SMYD3: variants seen among roughly 807,000 people sequenced by gnomAD.
The protein encoded by SMYD3 is histone-lysine N-methyltransferase SMYD3.
Under a neutral mutation model 57.7 loss-of-function variants are expected in SMYD3, and 36 were observed. The observed-to-expected ratio is 0.62, with a 90% confidence interval of 0.48 to 0.82. The LOEUF (loss-of-function observed/expected upper bound fraction) is 0.82. Among genes scored for constraint, SMYD3 ranks in the 40% least tolerant of loss-of-function variants. The pLI is 0.00. For synonymous variants in SMYD3, 211 were observed against 195.0 expected (o/e 1.08, Z -0.68); for missense variants, 515 against 538.8 (o/e 0.96, Z 0.44).
At chr1:245,961,025 G>C (rs1251486218) in intron 5 of SMYD3, among the ~76,000 whole-genome samples, 1 of 152,154 alleles carries the variant, frequency 6.6e-6, no homozygotes, top group East Asian at 1.9e-4. Flanking sequence ...AATCAATTCA[G>C]TTTGTTGAAA....
intron 10 of SMYD3, among the ~76,000 whole-genome samples, chr1:245,772,114 C>T (rs754298203): frequency 7.2e-5 from 11 of 152,156 alleles, no homozygotes; most frequent in Non-Finnish European, 1.6e-4. Flanking sequence ...AGACTGAACC[C>T]TCAGCTCTTG....
rs35486805 is a variant in SMYD3, at chr1:246,169,901, C to CAA, written c.531+157298_531+157299dup. On this transcript the variant is annotated intron_variant, in intron 5 of 11. Transcript: ENST00000490107. ...CCTAGGCAACAGAGCAAGACTCTGCCAAAAAAAAAAAAAAGATACAGCAAG... is the reference window on the plus strand; with the variant it reads ...CCTAGGCAACAGAGCAAGACTCTGCCAAAAAAAAAAAAAAAAGATACAGCAAG... 5.4e-4 allele frequency among the ~76,000 whole-genome samples: 58 copies of CAA among 107,382 alleles called. 3 individuals are homozygous for CAA. The South Asian group carries it at 0.016, about 29-fold the overall frequency. 70.4% of individuals were successfully genotyped at this position (107,382 alleles called of 152,430 possible). A position where few individuals can be genotyped will look rare whatever the true frequency, so the allele number is the denominator to read the frequency against.
intron 2 of SMYD3, among the ~76,000 whole-genome samples, chr1:246,350,774 T>C (rs774863644): frequency 9.9e-5 from 15 of 152,138 alleles, no homozygotes; most frequent in African/African-American, 1.9e-4. Context: ...CTTGAAGTCA[T>C]AGGAGCAGAT....
intron 1 of SMYD3, among the ~76,000 whole-genome samples, chr1:246,366,930 C>CAAAAA (rs1269333583): frequency 6.8e-5 from 4 of 58,564 alleles, no homozygotes; most frequent in African/African-American, 2.0e-4. Context: ...GACTCCATCT[C>CAAAAA]AAAAAAAAAA....
At chr1:245,863,456 T>C (rs2051662833) in intron 9 of SMYD3, among the ~76,000 whole-genome samples, 2 of 152,204 alleles carry the variant, frequency 1.3e-5, no homozygotes, top group African/African-American at 4.8e-5. Context: ...AAGCTACTCT[T>C]TCCTAGAGAT....
intron 5 of SMYD3, among the ~76,000 whole-genome samples, chr1:246,026,306 A>G (rs150819834): frequency 2.9e-4 from 44 of 152,330 alleles, no homozygotes; most frequent in African/African-American, 1.0e-3. Flanking sequence ...ACTTCTAAGT[A>G]ATTACCTGCA....
chr1:246,240,013 G>T (rs1053834768), intron 5 of SMYD3, among the ~76,000 whole-genome samples: 4 of 152,128 alleles, frequency 2.6e-5, no homozygotes, highest in Non-Finnish European at 4.4e-5. Context: ...TGAGTAGATT[G>T]TAAAAATTTT....
chr1:246,232,127 T>G (rs1445482605), intron 5 of SMYD3, among the ~76,000 whole-genome samples: 1 of 152,204 alleles, frequency 6.6e-6, no homozygotes, highest in Non-Finnish European at 1.5e-5. Context: ...ATTAGAATAT[T>G]TATATTTGTA....
At chr1:246,046,111 A>C (rs1407319325) in intron 5 of SMYD3, among the ~76,000 whole-genome samples, 1 of 152,194 alleles carries the variant, frequency 6.6e-6, no homozygotes, top group Non-Finnish European at 1.5e-5. Context: ...ATGACCCAGC[A>C]ATCCCATTAC....
intron 5 of SMYD3, among the ~76,000 whole-genome samples, chr1:246,046,475 T>C (rs1479983190): frequency 6.6e-6 from 1 of 151,748 alleles, no homozygotes; most frequent in Non-Finnish European, 1.5e-5. Context: ...GGGCCTGTCA[T>C]GGGGCGGTGG....
rs1553340613 is a variant in SMYD3 at position 245,849,657 on chromosome 1, A to AT, written c.1076+8838dup. 4.9e-3 allele frequency among the ~76,000 whole-genome samples: 546 copies of AT among 110,996 alleles called. 1 individual carries two copies. Among genetic ancestry groups the AT allele is most frequent in the African/African-American group, 0.016 (493 of 30,342 alleles). 72.8% of individuals were successfully genotyped at this position (110,996 alleles called of 152,430 possible). A position where few individuals can be genotyped will look rare whatever the true frequency, so the allele number is the denominator to read the frequency against. On this transcript the variant is annotated intron_variant, in intron 10 of 11. Transcript: ENST00000490107. ...TATTTTATTTATTTTATTTTATATTATTTATTTTATTTTGAGACAGGGTCT... is the reference window on the plus strand; with the variant it reads ...TATTTTATTTATTTTATTTTATATTATTTTATTTTATTTTGAGACAGGGTCT...
chr1:246,050,797 G>A (rs1278327801), intron 5 of SMYD3, among the ~76,000 whole-genome samples: 1 of 152,160 alleles, frequency 6.6e-6, no homozygotes, highest in Non-Finnish European at 1.5e-5. Context: ...GGAGGTGTAA[G>A]TTTCATGGCT....
chr1:246,215,696 A>C (rs2063153593), intron 5 of SMYD3, among the ~76,000 whole-genome samples: 1 of 152,128 alleles, frequency 6.6e-6, no homozygotes, highest in South Asian at 2.1e-4. Flanking sequence ...GAAAGGGGCC[A>C]GCGGAACTCA....
At chr1:245,843,754 T>A (rs1286542104) in intron 10 of SMYD3, among the ~76,000 whole-genome samples, 1 of 152,194 alleles carries the variant, frequency 6.6e-6, no homozygotes, top group Non-Finnish European at 1.5e-5. Flanking sequence ...GACCACATGA[T>A]AACTCATGAC....
intron 1 of SMYD3, among the ~76,000 whole-genome samples, chr1:246,489,345 C>A (rs913070027): frequency 6.6e-6 from 1 of 151,944 alleles, no homozygotes; most frequent in Non-Finnish European, 1.5e-5. Context: ...GAGCGAGACT[C>A]CATCTCAAAA....
intron 2 of SMYD3, among the ~76,000 whole-genome samples, chr1:246,354,647 T>C (rs2065882792): frequency 3.6e-5 from 1 of 28,034 alleles, no homozygotes; most frequent in Admixed American, 5.5e-4. Flanking sequence ...GATTAAACTA[T>C]ATCTTTTTTT....
At position 246,096,746 on chromosome 1, in the gene SMYD3, G is replaced by A. The variant is rs578005875; in HGVS notation, c.532-166809C>T. Among the ~76,000 whole-genome samples, 4 of 152,254 alleles carry A rather than the reference G, an allele frequency of 2.6e-5. No individual in the cohort carries two copies. The East Asian group carries it at 7.7e-4, about 29-fold the overall frequency. On this transcript the variant is annotated intron_variant, in intron 5 of 11. Coordinates refer to ENST00000490107, the MANE Select transcript of SMYD3 (RefSeq NM_001167740.2). ...AAAGGATTCACGGTTCTTGCAAATG[G>A]TTATGATTGTAACAAATGTTTATCA... is the stretch of plus-strand genomic sequence containing the variant.
At chr1:245,890,813 A>C (rs1008084116) in intron 8 of SMYD3, among the ~76,000 whole-genome samples, 1 of 152,242 alleles carries the variant, frequency 6.6e-6, no homozygotes, top group Non-Finnish European at 1.5e-5. Flanking sequence ...AAGCTTTGGA[A>C]GCAACCTGAG....
chr1:246,106,364 G>A (rs2061120682), intron 5 of SMYD3, among the ~76,000 whole-genome samples: 1 of 152,162 alleles, frequency 6.6e-6, no homozygotes, highest in African/African-American at 2.4e-5. Flanking sequence ...TTTGCTGAAG[G>A]TGCAGTCACT....
Sources: gnomAD v4.1 joint callset for allele counts (sites outside exome capture counted in the v4.1 genomes callset) on GRCh38, gnomAD v4.1.1 for gene constraint, MANE v1.5 for transcripts, NCBI Gene and HGNC (gene_info 2026-07-23, HGNC 2026-07-21) for gene names.